The following PARD3B variants were observed in gnomAD, a reference collection of about 807,000 sequenced individuals.
PARD3B encodes par-3 family cell polarity regulator beta.
Under a neutral mutation model 130.2 loss-of-function variants are expected in PARD3B, and 103 were observed. The observed-to-expected ratio is 0.79, with a 90% CI of 0.67 to 0.93. The LOEUF (loss-of-function observed/expected upper bound fraction) is 0.93, where lower values mean the gene tolerates loss of function less well. Ranked by LOEUF, PARD3B falls within the 40% of genes least tolerant of loss-of-function variation. The pLI is 0.00. For missense variants in PARD3B, 1,609 were observed against 1,499.2 expected (o/e 1.07, Z -1.21); for synonymous variants, 583 against 553.2 (o/e 1.05, Z -0.76).
chr2:204,876,500 C>T (rs1007119014), intron 2 of PARD3B, among the ~76,000 whole-genome samples: 3 of 152,142 alleles, frequency 2.0e-5, no homozygotes, highest in Non-Finnish European at 4.4e-5. Context: ...GTGACAGACA[C>T]CCCATGCTAC....
chr2:204,674,420 A>G (rs2036439135), intron 1 of PARD3B, among the ~76,000 whole-genome samples: 1 of 151,622 alleles, frequency 6.6e-6, no homozygotes. Flanking sequence ...AGCTAACAGT[A>G]GCAGGTAGTA....
chr2:205,028,257 G>A (rs1184955254), intron 3 of PARD3B, among the ~76,000 whole-genome samples: 5 of 152,004 alleles, frequency 3.3e-5, no homozygotes, highest in Non-Finnish European at 7.4e-5. Flanking sequence ...ACATCTTATA[G>A]TTTTTGATGT....
intron 18 of PARD3B, among the ~76,000 whole-genome samples, chr2:205,313,046 A>T (rs1278475838): frequency 6.6e-6 from 1 of 152,234 alleles, no homozygotes; most frequent in Admixed American, 6.5e-5. Flanking sequence ...TAATATGGAT[A>T]GATTGTGAAC....
intron 5 of PARD3B, 90 bp downstream of exon 5, chr2:205,104,604 G>T: frequency 1.1e-6 from 1 of 919,242 alleles, no homozygotes; most frequent in African/African-American, 1.7e-5. Context: ...TTACAAGAAA[G>T]ATCAGGATAA....
At chr2:205,400,603 C>G (rs189249724) in intron 18 of PARD3B, among the ~76,000 whole-genome samples, 1 of 152,020 alleles carries the variant, frequency 6.6e-6, no homozygotes, top group East Asian at 1.9e-4. Context: ...GATCACACCA[C>G]TGCACCTCAG....
At chr2:205,501,149 T>C (rs987499658) in intron 21 of PARD3B, among the ~76,000 whole-genome samples, 7 of 152,228 alleles carry the variant, frequency 4.6e-5, no homozygotes, top group Non-Finnish European at 8.8e-5. Context: ...TGAAAATCAG[T>C]TTCAGGATCC....
Position 205,473,990 on chromosome 2 carries a change from T to C in PARD3B, c.3045-25906T>C, listed in dbSNP as rs1161360502. On this transcript the variant is annotated intron_variant, in intron 20 of 22. Coordinates refer to ENST00000406610, the MANE Select transcript of PARD3B (RefSeq NM_001302769.2). This position sits in a 1 kb window ranked among gnomAD's most constrained non-coding sequence, Gnocchi z 4.9. ...GGTTTCATTATGGGTCATAAAGCAC[T>C]GTCATATACATGTTCTTATTTCATC... 6.6e-6 allele frequency among the ~76,000 whole-genome samples: 1 copy of C among 151,620 alleles called. No homozygotes were observed. The highest frequency in any genetic ancestry group is 1.5e-5 in the Non-Finnish European group (1 of 67,880).
At chr2:205,380,727 A>G (rs1327991791) in intron 18 of PARD3B, among the ~76,000 whole-genome samples, 2 of 102,436 alleles carry the variant, frequency 2.0e-5, no homozygotes, top group Non-Finnish European at 3.4e-5. Flanking sequence ...TATACTATAT[A>G]TAAAGAATAT....
rs201940905 is a variant in PARD3B, at chr2:204,931,052, CA to C, written c.223-34099del. Reference sequence around the variant, plus strand: ...CACAGTCTTTGACTGAAAGCAGTTCCATTTATTGGCTGGATGCCGATAGAAG... The same window carrying C: ...CACAGTCTTTGACTGAAAGCAGTTCCTTTATTGGCTGGATGCCGATAGAAG... On this transcript the variant is annotated intron_variant, in intron 2 of 22. Coordinates refer to ENST00000406610, the MANE Select transcript of PARD3B (RefSeq NM_001302769.2). 2.1e-3 allele frequency among the ~76,000 whole-genome samples: 315 copies of C among 152,106 alleles called. 6 individuals carry two copies. The highest frequency in any genetic ancestry group is 0.016 in the Admixed American group (245 of 15,270).
chr2:205,427,107 G>A (rs919744393), intron 19 of PARD3B, among the ~76,000 whole-genome samples: 2 of 152,150 alleles, frequency 1.3e-5, no homozygotes, highest in East Asian at 1.9e-4. Flanking sequence ...CCCAAAGTTC[G>A]ACAATGCACT....
At position 205,158,765 on chromosome 2, in the gene PARD3B, A is replaced by C; in HGVS notation, c.1478A>C (p.Glu493Ala). ...TGTGCACTCTCTCTGGAGACAAGCG[A>C]GCAGCTCACCTTTGAGATCCCCCTG... is the stretch of plus-strand genomic sequence containing the variant. ...DCCALSLETS[E>A]QLTFEIPLND... Residue 493 changes from glutamate to alanine, a missense_variant, in exon 11 of 23, where the codon GAG becomes GCG. Physicochemically the swap from Glu to Ala is moderately radical, Grantham distance 107. Transcript: ENST00000406610. This position sits in a 1 kb window ranked among gnomAD's most constrained non-coding sequence, Gnocchi z 5.4. 1 of 1,614,204 alleles carries C rather than the reference A, an allele frequency of 6.2e-7. No individual in the cohort carries two copies. The highest frequency in any genetic ancestry group is 1.7e-5 in the Admixed American group (1 of 60,022).
chr2:204,841,098 A>G (rs544251756), intron 2 of PARD3B, among the ~76,000 whole-genome samples: 88 of 152,292 alleles, frequency 5.8e-4, no homozygotes, highest in African/African-American at 1.3e-3. Context: ...CAAGGACAAC[A>G]CAAAGAAGCT....
chr2:205,206,856 A>T (rs1218515530), intron 15 of PARD3B, among the ~76,000 whole-genome samples: 1 of 151,018 alleles, frequency 6.6e-6, no homozygotes. Flanking sequence ...TCAGCTCTGC[A>T]CCAAGCGGAC....
At chr2:204,551,137 AG>A (rs2030426195) in intron 1 of PARD3B, among the ~76,000 whole-genome samples, 1 of 152,226 alleles carries the variant, frequency 6.6e-6, no homozygotes, top group African/African-American at 2.4e-5. Flanking sequence ...GTTTGCAAAC[AG>A]AGGGCTCGTG....
intron 10 of PARD3B, among the ~76,000 whole-genome samples, chr2:205,138,586 G>C (rs2032689729): frequency 6.6e-6 from 1 of 152,088 alleles, no homozygotes; most frequent in African/African-American, 2.4e-5. Flanking sequence ...TTTTTTATCT[G>C]TAAAAGGAGG....
At chr2:204,549,932 AAAAC>A (rs1455111546) in intron 1 of PARD3B, among the ~76,000 whole-genome samples, 8 of 152,162 alleles carry the variant, frequency 5.3e-5, no homozygotes, top group African/African-American at 1.9e-4. Flanking sequence ...TCATTAAAAA[AAAAC>A]AAACAAATAA....
intron 2 of PARD3B, among the ~76,000 whole-genome samples, chr2:204,702,241 T>G (rs2037929370): frequency 6.6e-6 from 1 of 152,092 alleles, no homozygotes; most frequent in African/African-American, 2.4e-5. Context: ...AGGATTTGTT[T>G]TCTTTTGGCT....
intron 1 of PARD3B, among the ~76,000 whole-genome samples, chr2:204,579,917 A>C (rs1248183743): frequency 6.6e-6 from 1 of 152,244 alleles, no homozygotes; most frequent in Non-Finnish European, 1.5e-5. Context: ...GGAAAGTAGC[A>C]AGTTAATAAT....
At chr2:205,308,363 T>C (rs1025653925) in intron 18 of PARD3B, among the ~76,000 whole-genome samples, 4 of 151,840 alleles carry the variant, frequency 2.6e-5, no homozygotes, top group Non-Finnish European at 2.9e-5. Context: ...TCCCAGCACT[T>C]TGGGAGGCCG....
Sources: allele counts gnomAD v4.1 joint callset (sites outside exome capture counted in the v4.1 genomes callset), GRCh38; gene constraint gnomAD v4.1.1; non-coding constraint Gnocchi (gnomAD v3.1); transcripts MANE v1.5; gene names NCBI Gene and HGNC (gene_info 2026-07-23, HGNC 2026-07-21).